STIM1: variants seen among roughly 807,000 people sequenced by gnomAD.
STIM1 encodes stromal interaction molecule 1.
In STIM1, 25 loss-of-function variants were observed where a neutral mutation model predicts 74.7. The ratio of observed to expected loss-of-function variants is 0.33; its 90% CI spans 0.24 to 0.47. The LOEUF (loss-of-function observed/expected upper bound fraction) is 0.47. Among genes scored for constraint, STIM1 ranks in the 20% least tolerant of loss-of-function variants. The probability of loss-of-function intolerance (pLI) is 1.00; values close to 1 mark genes in which losing one functional copy is unlikely to be tolerated. For synonymous variants in STIM1, 328 were observed against 348.8 expected (o/e 0.94, Z 0.66); for missense variants, 728 against 920.8 (o/e 0.79, Z 2.71).
intron 1 of STIM1, among the ~76,000 whole-genome samples, chr11:3,902,233 A>T (rs1176248590): frequency 6.6e-6 from 1 of 152,212 alleles, no homozygotes; most frequent in Non-Finnish European, 1.5e-5. Context: ...AGATATTTTT[A>T]TGAGTTACTG....
In STIM1 at chr11:4,037,946, A is replaced by G. The variant is rs190666941; in HGVS notation, c.385+13959A>G. On this transcript the variant is annotated intron_variant, in intron 3 of 12. Coordinates refer to ENST00000526596, the MANE Select transcript of STIM1 (RefSeq NM_001382567.1). ...TTAATTCAGTATTTTTTATAATTCA[A>G]TTGTATTTTCTTTGTTGGCTTATTA... Among the ~76,000 whole-genome samples the G allele has an allele frequency of 1.2e-3, 175 of 151,144 alleles. 2 individuals carry two copies. The highest frequency in any genetic ancestry group is 1.2e-3 in the Non-Finnish European group (79 of 67,814).
intron 1 of STIM1, among the ~76,000 whole-genome samples, chr11:3,928,031 C>CCCAGGG (rs1160219154): frequency 6.6e-6 from 1 of 152,134 alleles, no homozygotes; most frequent in Non-Finnish European, 1.5e-5. Context: ...TCACCCTATT[C>CCCAGGG]CCAGGGCCTA....
Position 4,023,939 on chromosome 11 carries a change from A to C in STIM1, c.337A>C (p.Lys113Gln). The C allele has an allele frequency of 6.2e-7, 1 of 1,614,126 alleles. No homozygotes were observed. The highest frequency in any genetic ancestry group is 8.5e-7 in the Non-Finnish European group (1 of 1,179,984). The change falls in exon 3 of 13, where the codon AAG becomes CAG. Residue 113 changes from lysine to glutamine, a missense_variant. Coordinates refer to ENST00000526596, the MANE Select transcript of STIM1 (RefSeq NM_001382567.1). ...VKHSTFHGEDKLISVEDLWKA... is the reference protein window; with the variant it reads ...VKHSTFHGEDQLISVEDLWKA... ...ACACAGCACCTTCCATGGTGAGGAT[A>C]AGCTCATCAGCGTGGAGGACCTGTG...
At chr11:3,908,611 C>CAAAAA (rs147380381) in intron 1 of STIM1, among the ~76,000 whole-genome samples, 59,033 of 139,820 alleles carry the variant, frequency 0.42, 13,319 homozygotes, top group African/African-American at 0.58. Context: ...GACTCCATCT[C>CAAAAA]AAAAAAAAAA....
At chr11:3,917,471 G>C (rs1253558250) in intron 1 of STIM1, among the ~76,000 whole-genome samples, 6 of 145,768 alleles carry the variant, frequency 4.1e-5, no homozygotes, top group African/African-American at 7.8e-5. Flanking sequence ...GTCTGGCTCT[G>C]TCGGCCAGGC....
At chr11:3,997,872 G>A (rs2093676911) in intron 2 of STIM1, among the ~76,000 whole-genome samples, 1 of 152,148 alleles carries the variant, frequency 6.6e-6, no homozygotes. Context: ...GAATCATAGA[G>A]TAGAACAAAA....
chr11:4,010,780 T>A (rs919982760), intron 2 of STIM1, among the ~76,000 whole-genome samples: 1 of 152,182 alleles, frequency 6.6e-6, no homozygotes, highest in Non-Finnish European at 1.5e-5. Context: ...GCAGGTTTGT[T>A]ACATAGGTAT....
At chr11:4,090,107 G>T (rs989942477) in intron 12 of STIM1, among the ~76,000 whole-genome samples, 1 of 152,188 alleles carries the variant, frequency 6.6e-6, no homozygotes, top group African/African-American at 2.4e-5. Context: ...GCCTTGCAAA[G>T]AAGCCTCTTG....
chr11:3,904,135 T>A (rs2092415549), intron 1 of STIM1, among the ~76,000 whole-genome samples: 1 of 139,856 alleles, frequency 7.2e-6, no homozygotes. Flanking sequence ...AGGCAGAGGT[T>A]GCAGTGAGCC....
rs1396781308 is a variant in STIM1 at position 3,874,478 on chromosome 11, T to A, written c.139+18069T>A. 2.0e-5 allele frequency among the ~76,000 whole-genome samples: 3 copies of A among 152,384 alleles called. No individual in the cohort carries two copies. The East Asian group carries it at 5.8e-4, about 29-fold the overall frequency. ...ATTCAGAAAAGGAAAATAATTTGCT[T>A]GATTGTCATTACAGGCTGTAAGCAA... On this transcript the variant is annotated intron_variant, in intron 1 of 12. Coordinates refer to ENST00000526596, the MANE Select transcript of STIM1 (RefSeq NM_001382567.1).
At chr11:3,855,624 C>T (rs2090333646), upstream of STIM1, 1 of 145,372 alleles carries the variant, frequency 6.9e-6, no homozygotes. Context: ...CGCACGCCCC[C>T]GCCCGCCCCG....
chr11:3,895,608 C>CTCTCTT (rs1565104460), intron 1 of STIM1, among the ~76,000 whole-genome samples: 38 of 53,118 alleles, frequency 7.2e-4, no homozygotes, highest in African/African-American at 9.0e-4. Flanking sequence ...TTCTTTCTCT[C>CTCTCTT]TCTTTCTTTC....
rs976444731 is a variant in STIM1, at chr11:3,872,737, G to A, written c.139+16328G>A. On this transcript the variant is annotated intron_variant, in intron 1 of 12. Transcript: ENST00000526596. ...AGTGTTTCACTGTGTTAGCCAGGAT[G>A]GTCTCTATCTCCTGACCTCATGATC... 2.0e-5 allele frequency among the ~76,000 whole-genome samples: 3 copies of A among 151,838 alleles called. No homozygotes were observed. In the South Asian group the frequency reaches 6.2e-4, roughly 32 times the overall value.
chr11:3,970,063 T>A lies in STIM1; in HGVS notation c.270+2381T>A, dbSNP rs964498624. Among the ~76,000 whole-genome samples the A allele has an allele frequency of 2.7e-5, 4 of 148,768 alleles. No homozygotes were observed. In the Admixed American group the frequency reaches 2.7e-4, roughly 10 times the overall value. ...TAAATTCTTGGATATCTTTGTTATA[T>A]GCTCCTCATCCTTTTTTTTTTTTTT... On this transcript the variant is annotated intron_variant, in intron 2 of 12. Coordinates refer to ENST00000526596, the MANE Select transcript of STIM1 (RefSeq NM_001382567.1).
chr11:4,017,408 G>A (rs372671486), intron 2 of STIM1, among the ~76,000 whole-genome samples: 1 of 152,182 alleles, frequency 6.6e-6, no homozygotes, highest in East Asian at 1.9e-4. Context: ...GCACCAGTAG[G>A]GTCTGTATGT....
chr11:3,928,264 C>T (rs1401886311), intron 1 of STIM1, among the ~76,000 whole-genome samples: 3 of 148,068 alleles, frequency 2.0e-5, no homozygotes, highest in Admixed American at 6.8e-5. Flanking sequence ...CTCACTTTGT[C>T]GCCCAGGCTG....
chr11:3,887,852 C>T (rs2091768081), intron 1 of STIM1, among the ~76,000 whole-genome samples: 1 of 151,592 alleles, frequency 6.6e-6, no homozygotes, highest in South Asian at 2.1e-4. Flanking sequence ...CCTGTAGTCC[C>T]AGCTACTTGA....
At chr11:4,073,501 T>C (rs897580484) in intron 6 of STIM1, among the ~76,000 whole-genome samples, 4 of 152,250 alleles carry the variant, frequency 2.6e-5, no homozygotes, top group African/African-American at 9.6e-5. Flanking sequence ...GAGTAAATCA[T>C]GAGCTCCTCA....
intron 2 of STIM1, among the ~76,000 whole-genome samples, chr11:4,007,060 T>G (rs768615746): frequency 6.6e-6 from 1 of 152,156 alleles, no homozygotes; most frequent in Non-Finnish European, 1.5e-5. Flanking sequence ...GCTCCCACTC[T>G]CACTACTTCA....
Sources: allele counts gnomAD v4.1 joint callset (sites outside exome capture counted in the v4.1 genomes callset), GRCh38; gene constraint gnomAD v4.1.1; transcripts MANE v1.5; gene names NCBI Gene and HGNC (gene_info 2026-07-23, HGNC 2026-07-21).